The following UGT8 variants were observed in gnomAD, a reference collection of about 807,000 sequenced individuals.
The protein encoded by UGT8 is 2-hydroxyacylsphingosine 1-beta-galactosyltransferase.
Under a neutral mutation model 40.5 loss-of-function variants are expected in UGT8, and 12 were observed. The observed-to-expected ratio is 0.30, with a 90% CI of 0.19 to 0.48. The LOEUF (loss-of-function observed/expected upper bound fraction) is 0.48. Among genes scored for constraint, UGT8 ranks in the 20% least tolerant of loss-of-function variants. The probability of loss-of-function intolerance (pLI) is 0.99; values close to 1 mark genes in which losing one functional copy is unlikely to be tolerated. For synonymous variants in UGT8, 224 were observed against 240.4 expected (o/e 0.93, Z 0.63); for missense variants, 513 against 648.7 (o/e 0.79, Z 2.27).
intron 2 of UGT8, among the ~76,000 whole-genome samples, chr4:114,627,304 G>T (rs191961979): frequency 5.8e-4 from 87 of 149,384 alleles, no homozygotes; most frequent in Non-Finnish European, 7.8e-4. Flanking sequence ...TGTCACCCAG[G>T]CTGGAGTGCA....
chr4:114,618,498 G>A (rs1731576676), intron 1 of UGT8, among the ~76,000 whole-genome samples: 1 of 152,122 alleles, frequency 6.6e-6, no homozygotes, highest in African/African-American at 2.4e-5. Flanking sequence ...GAACTCATGT[G>A]TATTTATTTT....
At chr4:114,662,604 A>G (rs1734610917) in intron 2 of UGT8, among the ~76,000 whole-genome samples, 1 of 152,106 alleles carries the variant, frequency 6.6e-6, no homozygotes, top group African/African-American at 2.4e-5. Flanking sequence ...TTCTGTCATC[A>G]GTCTCGGTCA....
At chr4:114,663,942 A>G in intron 2 of UGT8, 53 bp from the exon 3 acceptor site, 11 of 1,597,418 alleles carry the variant, frequency 6.9e-6, no homozygotes, top group South Asian at 1.1e-5. Context: ...AATAACACCA[A>G]TTATAAACTA....
chr4:114,638,198 T>C (rs1733005870), intron 2 of UGT8, among the ~76,000 whole-genome samples: 2 of 152,196 alleles, frequency 1.3e-5, no homozygotes, highest in Non-Finnish European at 2.9e-5. Flanking sequence ...TGTTAGCTCC[T>C]GAGAAGACAA....
rs924194315 is a variant in UGT8, at chr4:114,628,762, A to G, written c.822+5060A>G. On this transcript the variant is annotated intron_variant, in intron 2 of 5. Coordinates refer to ENST00000310836, the MANE Select transcript of UGT8 (RefSeq NM_001128174.3). ...TCTTGGGGAGAGATAAGAGATAAAC[A>G]GAGATAAGAAAGCACATGGGACCAG... Among the ~76,000 whole-genome samples the G allele has an allele frequency of 5.4e-5, 8 of 149,076 alleles. 2 individuals are homozygous for G. In the Middle Eastern group the frequency reaches 0.01, roughly 193 times the overall value.
intron 1 of UGT8, among the ~76,000 whole-genome samples, chr4:114,616,442 G>A (rs200695195): frequency 1.5e-4 from 23 of 152,286 alleles, no homozygotes; most frequent in South Asian, 8.3e-4. Context: ...TGCTAAGACC[G>A]TTGGAAAAGT....
Position 114,616,258 on chromosome 4 carries a change from C to T in UGT8, c.-2-6621C>T, listed in dbSNP as rs1244184450. On this transcript the variant is annotated intron_variant, in intron 1 of 5. Coordinates refer to ENST00000310836, the MANE Select transcript of UGT8 (RefSeq NM_001128174.3). Reference sequence around the variant, plus strand: ...TGCAGTGGGCTCCACCCAGTTCGAGCTTCCCGGCCGCCTTGTTTACCTACT... The same window carrying T: ...TGCAGTGGGCTCCACCCAGTTCGAGTTTCCCGGCCGCCTTGTTTACCTACT... 7.9e-5 allele frequency among the ~76,000 whole-genome samples: 12 copies of T among 152,310 alleles called. No homozygotes were observed. In the South Asian group the frequency reaches 8.3e-4, roughly 11 times the overall value.
rs181194749 is a variant in UGT8, at chr4:114,661,563, A to G, written c.823-2432A>G. 1.2e-3 allele frequency among the ~76,000 whole-genome samples: 180 copies of G among 152,288 alleles called. 1 individual carries two copies. The highest frequency in any genetic ancestry group is 4.2e-3 in the African/African-American group (173 of 41,562). ...TGACTCCAGAACCACCTGCTTGTCA[A>G]CCGAATCCAAAATCCAACCCCTTCA... On this transcript the variant is annotated intron_variant, in intron 2 of 5. Transcript: ENST00000310836.
intron 2 of UGT8, among the ~76,000 whole-genome samples, chr4:114,658,898 G>A (rs1196279455): frequency 2.6e-5 from 4 of 151,948 alleles, no homozygotes; most frequent in Non-Finnish European, 4.4e-5. Flanking sequence ...TATACTTTGG[G>A]AGTAGTTGCT....
rs1430473394 is a variant in UGT8, at chr4:114,622,203, T to C, written c.-2-676T>C. The stretch of plus-strand genomic sequence containing the variant: ...CCCACCTATGAGTGAGAATATGCGG[T>C]GTTTGGTTTTTTGTTCTTGCGATGG... On this transcript the variant is annotated intron_variant, in intron 1 of 5. Coordinates refer to ENST00000310836, the MANE Select transcript of UGT8 (RefSeq NM_001128174.3). Among the ~76,000 whole-genome samples, 3 of 149,690 alleles carry C rather than the reference T, an allele frequency of 2.0e-5. No homozygotes were observed. In the Admixed American group the frequency reaches 2.0e-4, roughly 10 times the overall value.
chr4:114,622,164 C>G (rs1286660573), intron 1 of UGT8, among the ~76,000 whole-genome samples: 1 of 138,590 alleles, frequency 7.2e-6, no homozygotes, highest in Non-Finnish European at 1.5e-5. Context: ...TCCATGTGTT[C>G]CCATTGTTCA....
At chr4:114,674,405 A>G (rs1045164781) in intron 5 of UGT8, among the ~76,000 whole-genome samples, 15 of 152,104 alleles carry the variant, frequency 9.9e-5, no homozygotes, top group African/African-American at 3.4e-4. Flanking sequence ...CTCTTCTACT[A>G]CACCATTTCC....
At chr4:114,617,535 T>C (rs1435553335) in intron 1 of UGT8, among the ~76,000 whole-genome samples, 1 of 152,174 alleles carries the variant, frequency 6.6e-6, no homozygotes, top group Non-Finnish European at 1.5e-5. Context: ...ATTTGTACAT[T>C]CTTTGAATTT....
Position 114,623,268 on chromosome 4 carries a change from G to C in UGT8, c.388G>C (p.Glu130Gln). ...NHALIQGLKK[E>Q]KFDLLLVDPN... is the part of the protein sequence containing the mutation. ...TGCCCTGATCCAGGGTCTGAAGAAAGAAAAATTTGACCTGCTGCTGGTGGA... is the reference window on the plus strand; with the variant it reads ...TGCCCTGATCCAGGGTCTGAAGAAACAAAAATTTGACCTGCTGCTGGTGGA... Residue 130 changes from glutamate (E) to glutamine (Q), a missense_variant, in exon 2 of 6, where the codon GAA (glutamate) becomes CAA (glutamine). Glu to Gln is a conservative substitution (Grantham distance 29). Transcript: ENST00000310836. 2.5e-6 allele frequency: 4 copies of C among 1,614,142 alleles called. No individual in the cohort carries two copies. The highest frequency in any genetic ancestry group is 3.4e-6 in the Non-Finnish European group (4 of 1,180,010).
chr4:114,652,671 A>G (rs1733955050), intron 2 of UGT8, among the ~76,000 whole-genome samples: 1 of 152,040 alleles, frequency 6.6e-6, no homozygotes, highest in African/African-American at 2.4e-5. Context: ...GAGCACATAA[A>G]TCCAAATTTT....
chr4:114,640,037 T>G (rs5017120), intron 2 of UGT8, among the ~76,000 whole-genome samples: 61 of 150,004 alleles, frequency 4.1e-4, no homozygotes, highest in African/African-American at 1.2e-3. Context: ...TTGTTTGTTT[T>G]TTTTTTTTTT....
intron 2 of UGT8, among the ~76,000 whole-genome samples, chr4:114,630,807 T>C (rs1056578567): frequency 6.6e-6 from 1 of 152,196 alleles, no homozygotes; most frequent in Non-Finnish European, 1.5e-5. Context: ...AGTAGCTTCA[T>C]CAGAATGCTG....
intron 1 of UGT8, among the ~76,000 whole-genome samples, chr4:114,601,471 T>C (rs535272931): frequency 6.6e-6 from 1 of 152,162 alleles, no homozygotes; most frequent in African/African-American, 2.4e-5. Context: ...GAGTGAGAAC[T>C]TTGATTATTT....
chr4:114,598,531 G>A (rs553749127), upstream of UGT8: 1 of 152,282 alleles, frequency 6.6e-6, no homozygotes, highest in Non-Finnish European at 1.5e-5. Context: ...CGCGTGGTAC[G>A]AAGGCGCGTC....
Sources: allele counts gnomAD v4.1 joint callset (sites outside exome capture counted in the v4.1 genomes callset), GRCh38; gene constraint gnomAD v4.1.1; transcripts MANE v1.5; gene names NCBI Gene and HGNC (gene_info 2026-07-23, HGNC 2026-07-21).